Variants in DIAPH3 observed in about 807,000 individuals in gnomAD.
The protein encoded by DIAPH3 is protein diaphanous homolog 3.
In DIAPH3, 117 loss-of-function variants were observed where a neutral mutation model predicts 144.3. That is an observed-to-expected ratio of 0.81 (90% confidence interval 0.70 to 0.95). The LOEUF (loss-of-function observed/expected upper bound fraction) is 0.95, where lower values mean the gene tolerates loss of function less well. Among genes scored for constraint, DIAPH3 ranks in the 40% least tolerant of loss-of-function variants. The probability of loss-of-function intolerance (pLI) is 0.00; values close to 1 mark genes in which losing one functional copy is unlikely to be tolerated. For missense variants in DIAPH3, 1,421 were observed against 1,412.7 expected (o/e 1.01, Z -0.09); for synonymous variants, 519 against 488.9 (o/e 1.06, Z -0.81).
chr13:59,942,235 G>T (rs763031702), intron 17 of DIAPH3, among the ~76,000 whole-genome samples: 1 of 152,150 alleles, frequency 6.6e-6, no homozygotes, highest in Non-Finnish European at 1.5e-5. Flanking sequence ...TCTGAATGGA[G>T]TTTATTGAAT....
chr13:60,060,836 T>C (rs1426362064), intron 4 of DIAPH3, among the ~76,000 whole-genome samples: 1 of 152,016 alleles, frequency 6.6e-6, no homozygotes, highest in Non-Finnish European at 1.5e-5. Flanking sequence ...CAAAATTATA[T>C]CTAGTGATTT....
At chr13:59,938,391 T>C (rs2048359483) in intron 17 of DIAPH3, among the ~76,000 whole-genome samples, 1 of 152,092 alleles carries the variant, frequency 6.6e-6, no homozygotes, top group Admixed American at 6.6e-5. Context: ...GGAGTATTGC[T>C]TGAGGCCAGG....
At chr13:60,084,005 G>GATAA (rs1490230960) in intron 4 of DIAPH3, among the ~76,000 whole-genome samples, 4 of 87,844 alleles carry the variant, frequency 4.6e-5, no homozygotes, top group Non-Finnish European at 9.7e-5. Flanking sequence ...TAGATAGATA[G>GATAA]ACAGATAGAT....
chr13:59,943,591 C>T (rs2048651973), intron 17 of DIAPH3, among the ~76,000 whole-genome samples: 1 of 152,014 alleles, frequency 6.6e-6, no homozygotes, highest in Admixed American at 6.6e-5. Context: ...TAGAAGAATA[C>T]AGAAAAGTCA....
chr13:60,158,432 G>A (rs755303634), intron 1 of DIAPH3, among the ~76,000 whole-genome samples: 7 of 152,302 alleles, frequency 4.6e-5, no homozygotes, highest in African/African-American at 1.2e-4. Context: ...ATACATTAAT[G>A]AGTTGGGTTA....
chr13:59,792,846 C>T, intron 25 of DIAPH3, among the ~76,000 whole-genome samples: 1 of 152,186 alleles, frequency 6.6e-6, no homozygotes, highest in East Asian at 1.9e-4. Flanking sequence ...ACTCCATCTT[C>T]TTGGCATTAC....
chr13:59,863,521 T>A (rs936441717), intron 21 of DIAPH3, among the ~76,000 whole-genome samples: 22 of 152,026 alleles, frequency 1.4e-4, no homozygotes, highest in African/African-American at 5.3e-4. Flanking sequence ...GAATGGGAGA[T>A]TTCCGTACCA....
At chr13:60,032,400 G>A (rs1464716952) in intron 5 of DIAPH3, among the ~76,000 whole-genome samples, 1 of 152,142 alleles carries the variant, frequency 6.6e-6, no homozygotes, top group Non-Finnish European at 1.5e-5. Flanking sequence ...GTTCTACCTG[G>A]ACACCCAGGC....
chr13:59,749,328 G>A (rs2036872693), intron 27 of DIAPH3, among the ~76,000 whole-genome samples: 2 of 150,078 alleles, frequency 1.3e-5, no homozygotes. Flanking sequence ...AGACCATCCT[G>A]GCTAACACAG....
In DIAPH3 at chr13:59,666,670, T is replaced by G; in HGVS notation, c.3496A>C (p.Lys1166Gln). The G allele has an allele frequency of 1.2e-6, 2 of 1,614,162 alleles. No homozygotes were observed. The highest frequency in any genetic ancestry group is 1.6e-4 in the Middle Eastern group (1 of 6,062). Residue 1166 changes from lysine to glutamine, a missense_variant, in exon 28 of 28, where the codon AAG (lysine) becomes CAG (glutamine). Physicochemically the swap from Lys to Gln is moderately conservative, Grantham distance 53. Coordinates refer to ENST00000400324, the MANE Select transcript of DIAPH3 (RefSeq NM_001042517.2). ...EACNVESNRKKETELLGSFSK... is the reference protein window; with the variant it reads ...EACNVESNRKQETELLGSFSK... Reference sequence around the variant, plus strand: ...AAAGAGCCAAGAAGTTCCGTTTCCTTTTTTCTGTTGCTTTCTACATTACAC... The same window carrying G: ...AAAGAGCCAAGAAGTTCCGTTTCCTGTTTTCTGTTGCTTTCTACATTACAC...
intron 18 of DIAPH3, among the ~76,000 whole-genome samples, chr13:59,919,923 G>C (rs764364128): frequency 1.3e-5 from 2 of 151,886 alleles, no homozygotes; most frequent in African/African-American, 2.4e-5. Context: ...CAAGGAAAGA[G>C]TAAAATTAAT....
intron 20 of DIAPH3, among the ~76,000 whole-genome samples, chr13:59,903,427 A>G (rs990867581): frequency 6.6e-6 from 1 of 152,168 alleles, no homozygotes; most frequent in Non-Finnish European, 1.5e-5. Flanking sequence ...TTTCCTCAAC[A>G]TCTTTTATGA....
chr13:60,136,957 TAATA>T (rs2059300799), intron 1 of DIAPH3, among the ~76,000 whole-genome samples: 1 of 151,596 alleles, frequency 6.6e-6, no homozygotes, highest in African/African-American at 2.4e-5. Flanking sequence ...AAAAAAATAA[TAATA>T]AATAACCGTT....
intron 5 of DIAPH3, among the ~76,000 whole-genome samples, chr13:60,027,544 G>A: frequency 6.6e-6 from 1 of 151,820 alleles, no homozygotes; most frequent in East Asian, 1.9e-4. Flanking sequence ...AATAAAACCA[G>A]GTTAACAGGA....
intron 21 of DIAPH3, among the ~76,000 whole-genome samples, chr13:59,878,974 A>G (rs2140051354): frequency 6.6e-6 from 1 of 152,248 alleles, no homozygotes; most frequent in East Asian, 1.9e-4. Context: ...TTGAGAAAGC[A>G]TAGGTTTATG....
chr13:59,923,995 T>C (rs2047640251), intron 18 of DIAPH3, among the ~76,000 whole-genome samples: 1 of 152,212 alleles, frequency 6.6e-6, no homozygotes, highest in African/African-American at 2.4e-5. Flanking sequence ...AAAAGCTCAG[T>C]TGAGGCATGT....
At chr13:60,039,823 C>T (rs996939595) in intron 5 of DIAPH3, among the ~76,000 whole-genome samples, 1 of 152,116 alleles carries the variant, frequency 6.6e-6, no homozygotes, top group Non-Finnish European at 1.5e-5. Flanking sequence ...ATTCAAAGAG[C>T]AGGCATATCA....
chr13:59,927,426 T>C (rs915634875), intron 17 of DIAPH3, among the ~76,000 whole-genome samples: 31 of 152,196 alleles, frequency 2.0e-4, no homozygotes, highest in African/African-American at 7.2e-4. Flanking sequence ...CTTTGTAGTT[T>C]GGTGGTTTTC....
intron 20 of DIAPH3, among the ~76,000 whole-genome samples, chr13:59,892,632 T>C (rs938741390): frequency 4.0e-5 from 6 of 151,492 alleles, no homozygotes; most frequent in African/African-American, 1.5e-4. Context: ...ACCAATAATA[T>C]AGCAAAACAA....
Sources: gnomAD v4.1 joint callset for allele counts (sites outside exome capture counted in the v4.1 genomes callset) on GRCh38, gnomAD v4.1.1 for gene constraint, MANE v1.5 for transcripts, NCBI Gene and HGNC (gene_info 2026-07-23, HGNC 2026-07-21) for gene names.